Variants in OR51M1 observed in about 807,000 individuals in gnomAD.
The protein encoded by OR51M1 is olfactory receptor 51M1.
For synonymous variants in OR51M1, 199 were observed against 155.1 expected (o/e 1.28, Z -2.10); for missense variants, 509 against 404.4 (o/e 1.26, Z -2.22).
At position 5,390,052 on chromosome 11, in the gene OR51M1, T is replaced by C; in HGVS notation, c.654T>C (p.Thr218=). Residue 218 remains threonine (T), a synonymous_variant, in exon 3 of 3, where the codon ACT becomes ACC. Transcript: ENST00000642046. ...ATGGACTGATGGTGGTAGTTTTCACTGTGATGCTGGACCTGGTGCTCATCG... is the reference window on the plus strand; with the variant it reads ...ATGGACTGATGGTGGTAGTTTTCACCGTGATGCTGGACCTGGTGCTCATCG... ...NLYGLMVVVF[T]VMLDLVLIAL... 6.2e-7 allele frequency: 1 copy of C among 1,613,726 alleles called. No homozygotes were observed. The highest frequency in any genetic ancestry group is 8.5e-7 in the Non-Finnish European group (1 of 1,179,900).
rs570399535 is a variant in OR51M1, at chr11:5,388,680, C to A, written c.-15-704C>A. On this transcript the variant is annotated intron_variant, in intron 2 of 2. Transcript: ENST00000642046. ...GTAGGGTCTTGAATGTCATTTTAAA[C>A]CTTTTTTACTTCATTAAAAACTTGT... Among the ~76,000 whole-genome samples the A allele has an allele frequency of 9.2e-5, 14 of 151,462 alleles. No homozygotes were observed. In the South Asian group the frequency reaches 2.5e-3, roughly 27 times the overall value.
intron 2 of OR51M1, 31 bp from the exon 3 acceptor site, chr11:5,389,353 T>C: frequency 6.4e-7 from 1 of 1,571,820 alleles, no homozygotes; most frequent in Non-Finnish European, 8.7e-7. Flanking sequence ...AGCTGAAGAA[T>C]TAATAACCAG....
In OR51M1 at chr11:5,392,562, A is replaced by C. The variant is rs1413872373; in HGVS notation, c.*2183A>C. 1 of 152,262 alleles carries C rather than the reference A, an allele frequency of 6.6e-6. No individual in the cohort carries two copies. Among genetic ancestry groups the C allele is most frequent in the Non-Finnish European group, 1.5e-5 (1 of 68,050 alleles). 9.4% of individuals were successfully genotyped at this position (152,262 alleles called of 1,614,324 possible). On this transcript the variant is annotated 3_prime_UTR_variant, in exon 3 of 3. Transcript: ENST00000642046. ...AAACTTCTACCTTACTCAAATTTAA[A>C]ATGCAAATTAACATATCTTAATTTG...
chr11:5,385,959 T>C lies in OR51M1; in HGVS notation c.-16+501T>C, dbSNP rs191130371. Among the ~76,000 whole-genome samples, 16 of 147,476 alleles carry C rather than the reference T, an allele frequency of 1.1e-4. No individual in the cohort carries two copies. In the East Asian group the frequency reaches 3.2e-3, roughly 29 times the overall value. ...TAAGTATGTTCTATATATATATCAA[T>C]AAGTATATATAAATATAAAAATATA... On this transcript the variant is annotated intron_variant, in intron 2 of 2. Transcript: ENST00000642046.
intron 2 of OR51M1, among the ~76,000 whole-genome samples, chr11:5,385,789 T>G (rs971958397): frequency 7.0e-6 from 1 of 142,564 alleles, no homozygotes. Context: ...ATGTATACCC[T>G]ATACTTATAT....
chr11:5,390,092 C>G lies in OR51M1; in HGVS notation c.694C>G (p.Leu232Val). 6.2e-7 allele frequency: 1 copy of G among 1,613,802 alleles called. No individual in the cohort carries two copies. The highest frequency in any genetic ancestry group is 8.5e-7 in the Non-Finnish European group (1 of 1,179,902). ...DLVLIALSYG[L>V]ILHTVAGLAS... ...GGTGCTCATCGCACTGTCCTATGGA[C>G]TCATCCTGCACACAGTAGCAGGCCT... Residue 232 changes from leucine to valine, a missense_variant, in exon 3 of 3, where the codon CTC becomes GTC. Leu to Val is a conservative substitution (Grantham distance 32). Transcript: ENST00000642046.
chr11:5,385,945 T>C (rs1233341830), intron 2 of OR51M1, among the ~76,000 whole-genome samples: 2 of 51,272 alleles, frequency 3.9e-5, no homozygotes, highest in East Asian at 1.2e-3. Flanking sequence ...AAGTATGTTC[T>C]ATATATATAT....
chr11:5,385,174 G>A (rs1006502320), intron 1 of OR51M1, among the ~76,000 whole-genome samples, 179 bp from the exon 2 acceptor site: 1 of 152,178 alleles, frequency 6.6e-6, no homozygotes, highest in African/African-American at 2.4e-5. Flanking sequence ...GTAATTAGAT[G>A]TAACTGACTG....
Position 5,390,222 on chromosome 11 carries a change from G to A in OR51M1, c.824G>A (p.Arg275His), listed in dbSNP as rs372583895. 1.4e-5 allele frequency: 23 copies of A among 1,613,864 alleles called. No individual in the cohort carries two copies. The highest frequency in any genetic ancestry group is 3.3e-5 in the Admixed American group (2 of 59,996). ...ATGATGGGGCTGTCCCTGGTGCACC[G>A]TTTTGGGAAGCATGCCCCACCTGCT... The part of the protein sequence containing the change: ...VPMMGLSLVH[R>H]FGKHAPPAIH... Residue 275 changes from arginine (R) to histidine (H), a missense_variant, in exon 3 of 3, where the codon CGT becomes CAT. By Grantham distance (29) the Arg-to-His change is conservative. Coordinates refer to ENST00000642046, the MANE Select transcript of OR51M1 (RefSeq NM_001004756.3).
In OR51M1 at chr11:5,390,176, G is replaced by A. The variant is rs774673987; in HGVS notation, c.778G>A (p.Val260Met). ...GACATGCACCGCTCCTCTCTGTGCTGTGCTAGTATTCTTTGTGCCCATGAT... is the reference window on the plus strand; with the variant it reads ...GACATGCACCGCTCCTCTCTGTGCTATGCTAGTATTCTTTGTGCCCATGAT... ...FQTCTAPLCA[V>M]LVFFVPMMGL... Residue 260 changes from valine (V) to methionine (M), a missense_variant, in exon 3 of 3, where the codon GTG (valine) becomes ATG (methionine). Coordinates refer to ENST00000642046, the MANE Select transcript of OR51M1 (RefSeq NM_001004756.3). 1.2e-5 allele frequency: 19 copies of A among 1,613,888 alleles called. No individual in the cohort carries two copies. In the East Asian group the frequency reaches 2.7e-4, roughly 23 times the overall value.
Position 5,390,687 on chromosome 11 carries a change from G to T in OR51M1, c.*308G>T. ...AATGAAACTAAATAAAAACTAAAAA[G>T]AACAATAAATACCAGAGCACCCAGA... On this transcript the variant is annotated 3_prime_UTR_variant, in exon 3 of 3. Transcript: ENST00000642046. 1 of 280,644 alleles carries T rather than the reference G, an allele frequency of 3.6e-6. No homozygotes were observed. Among genetic ancestry groups the T allele is most frequent in the South Asian group, 8.1e-5 (1 of 12,306 alleles). The allele number at this position is 280,644 out of a possible 1,614,324, so 17.4% of individuals were successfully genotyped here. A position where few individuals can be genotyped will look rare whatever the true frequency, so the allele number is the denominator to read the frequency against.
intron 2 of OR51M1, among the ~76,000 whole-genome samples, chr11:5,388,967 G>T (rs530266134): frequency 6.6e-6 from 1 of 152,112 alleles, no homozygotes. Context: ...ATAATGAAAA[G>T]TACAGATGTT....
chr11:5,387,454 G>C (rs1195930859), intron 2 of OR51M1, among the ~76,000 whole-genome samples: 1 of 152,088 alleles, frequency 6.6e-6, no homozygotes, highest in African/African-American at 2.4e-5. Flanking sequence ...GATAAATGTG[G>C]ACTATTTTTT....
At position 5,389,392 on chromosome 11, in the gene OR51M1, C is replaced by T; in HGVS notation, c.-7C>T. 6.2e-7 allele frequency: 1 copy of T among 1,609,342 alleles called. No individual in the cohort carries two copies. Among genetic ancestry groups the T allele is most frequent in the Admixed American group, 1.7e-5 (1 of 59,862 alleles). ...TATCCATTTATTTTCAGCTCAATCCCCGAGGAATGTCAGTCCAATATTCGC... is the reference window on the plus strand; with the variant it reads ...TATCCATTTATTTTCAGCTCAATCCTCGAGGAATGTCAGTCCAATATTCGC... On this transcript the variant is annotated 5_prime_UTR_variant, in exon 3 of 3. Coordinates refer to ENST00000642046, the MANE Select transcript of OR51M1 (RefSeq NM_001004756.3).
Position 5,390,008 on chromosome 11 carries a change from A to G in OR51M1, c.610A>G (p.Ile204Val). The change falls in exon 3 of 3, where the codon ATC becomes GTC. Residue 204 changes from isoleucine to valine, a missense_variant. Coordinates refer to ENST00000642046, the MANE Select transcript of OR51M1 (RefSeq NM_001004756.3). ...AGTGATACAGCTGGCCTGCACAGAT[A>G]TCACCTTCAATAATCTGTATGGACT... ...QEVIQLACTDITFNNLYGLMV... is the reference protein window; with the variant it reads ...QEVIQLACTDVTFNNLYGLMV... 1 of 1,613,302 alleles carries G rather than the reference A, an allele frequency of 6.2e-7. No homozygotes were observed. Among genetic ancestry groups the G allele is most frequent in the Non-Finnish European group, 8.5e-7 (1 of 1,179,882 alleles).
chr11:5,388,424 A>AT lies in OR51M1; in HGVS notation c.-15-959dup, dbSNP rs1849735574. 2.0e-5 allele frequency among the ~76,000 whole-genome samples: 3 copies of AT among 151,740 alleles called. 1 individual carries two copies. The South Asian group carries it at 6.3e-4, about 32-fold the overall frequency. The stretch of plus-strand genomic sequence containing the variant: ...TTAAGAAGGCCTTCTGAAGGACATC[A>AT]TATCTAAGCTAAGGTGGGTTATATT... On this transcript the variant is annotated intron_variant, in intron 2 of 2. Transcript: ENST00000642046.
chr11:5,389,244 A>G (rs1372285420), intron 2 of OR51M1, 140 bp from the exon 3 acceptor site: 2 of 763,228 alleles, frequency 2.6e-6, no homozygotes, highest in East Asian at 2.5e-5. Flanking sequence ...AGAAAGTTCA[A>G]TAAAGTAGTG....
chr11:5,385,167 A>G (rs550198783), intron 1 of OR51M1, among the ~76,000 whole-genome samples, 186 bp from the exon 2 acceptor site: 73 of 152,310 alleles, frequency 4.8e-4, no homozygotes, highest in Admixed American at 1.1e-3. Context: ...TTATGTTGTA[A>G]TTAGATGTAA....
At chr11:5,386,795 G>C (rs1474684750) in intron 2 of OR51M1, among the ~76,000 whole-genome samples, 2 of 151,804 alleles carry the variant, frequency 1.3e-5, no homozygotes, top group Non-Finnish European at 2.9e-5. Flanking sequence ...AAAGAACTTA[G>C]TTAAAAATTA....
Sources: gnomAD v4.1 joint callset for allele counts (sites outside exome capture counted in the v4.1 genomes callset) on GRCh38, gnomAD v4.1.1 for gene constraint, MANE v1.5 for transcripts, NCBI Gene and HGNC (gene_info 2026-07-23, HGNC 2026-07-21) for gene names.